Variants in PDZD8 observed in about 807,000 individuals in gnomAD.
PDZD8 encodes the protein PDZ domain containing 8, also known as PDZ domain-containing protein 8.
A neutral mutation model predicts 85.8 loss-of-function variants in PDZD8; 14 were observed. The observed-to-expected ratio is 0.16, with a 90% confidence interval of 0.11 to 0.26. PDZD8 has a LOEUF of 0.26. Among genes scored for constraint, PDZD8 ranks in the 10% least tolerant of loss-of-function variants. The pLI, the probability that PDZD8 is intolerant of heterozygous loss-of-function variation, is 1.00. For synonymous variants in PDZD8, 592 were observed against 568.6 expected (o/e 1.04, Z -0.59); for missense variants, 1,197 against 1,424.3 (o/e 0.84, Z 2.57).
In PDZD8 at chr10:117,289,747, G is replaced by A. The variant is rs72823600; in HGVS notation, c.1261+439C>T. On this transcript the variant is annotated intron_variant, in intron 4 of 4. Coordinates refer to ENST00000334464, the MANE Select transcript of PDZD8 (RefSeq NM_173791.5). ...AGATGTGCCCTCCTGGAAAAGGAAT[G>A]TTGGTTCTTCTGCTCATCATCTAGT... 4.2e-3 allele frequency among the ~76,000 whole-genome samples: 643 copies of A among 152,314 alleles called. 4 individuals carry two copies. Among genetic ancestry groups the A allele is most frequent in the Non-Finnish European group, 4.2e-3 (285 of 68,024 alleles).
chr10:117,323,257 A>G (rs1844258519), intron 2 of PDZD8, among the ~76,000 whole-genome samples: 1 of 152,218 alleles, frequency 6.6e-6, no homozygotes, highest in African/African-American at 2.4e-5. Flanking sequence ...AACAGGATTC[A>G]AAAATAGCTT....
rs189927741 is a variant in PDZD8 at position 117,336,711 on chromosome 10, T to G, written c.995+4269A>C. Among the ~76,000 whole-genome samples, 66 of 151,632 alleles carry G rather than the reference T, an allele frequency of 4.4e-4. 1 individual carries two copies. Among genetic ancestry groups the G allele is most frequent in the Non-Finnish European group, 2.8e-4 (19 of 67,924 alleles). On this transcript the variant is annotated intron_variant, in intron 2 of 4. Coordinates refer to ENST00000334464, the MANE Select transcript of PDZD8 (RefSeq NM_173791.5). The stretch of plus-strand genomic sequence containing the variant: ...CTTGAGGGGGTTCCTACTGGCCAAA[T>G]CTGAGACAATTTAGACACCAAAATA...
intron 1 of PDZD8, among the ~76,000 whole-genome samples, chr10:117,366,549 TCACTACCACCAC>T (rs575136862): frequency 5.3e-5 from 8 of 151,400 alleles, no homozygotes; most frequent in Non-Finnish European, 1.0e-4. Flanking sequence ...ATAAGGTCTG[TCACTACCACCAC>T]CACTACCACC....
Position 117,344,077 on chromosome 10 carries a change from G to A in PDZD8, c.873-2975C>T, listed in dbSNP as rs73391012. 7.2e-3 allele frequency among the ~76,000 whole-genome samples: 1,089 copies of A among 152,094 alleles called. 10 individuals are homozygous for A. Among genetic ancestry groups the A allele is most frequent in the African/African-American group, 0.025 (1,044 of 41,476 alleles). Reference sequence around the variant, plus strand: ...TCAGTTTTCTCACTCAGGCTTCCCCGCAAAATAGTCTTAACAAACTACCTG... The same window carrying A: ...TCAGTTTTCTCACTCAGGCTTCCCCACAAAATAGTCTTAACAAACTACCTG... On this transcript the variant is annotated intron_variant, in intron 1 of 4. Coordinates refer to ENST00000334464, the MANE Select transcript of PDZD8 (RefSeq NM_173791.5).
chr10:117,333,358 C>T (rs1844462901), intron 2 of PDZD8, among the ~76,000 whole-genome samples: 1 of 151,962 alleles, frequency 6.6e-6, no homozygotes. Flanking sequence ...ATAAGTACAA[C>T]TAATAATACA....
intron 1 of PDZD8, among the ~76,000 whole-genome samples, chr10:117,361,105 G>A (rs777300788): frequency 6.6e-6 from 1 of 152,062 alleles, no homozygotes; most frequent in South Asian, 2.1e-4. Context: ...AGAGAACAAG[G>A]GTGAGAAAGG....
In PDZD8 at chr10:117,285,235, C is replaced by A. The variant is rs1398002525; in HGVS notation, c.1498G>T (p.Asp500Tyr). Reference protein sequence around the residue: ...ESRELDSEFEDLASDVRAQNE... With the variant: ...ESRELDSEFEYLASDVRAQNE... Reference sequence around the variant, plus strand: ...TGTGCTCTGACATCACTTGCCAAGTCTTCAAATTCAGAATCCAGCTCTCTA... The same window carrying A: ...TGTGCTCTGACATCACTTGCCAAGTATTCAAATTCAGAATCCAGCTCTCTA... Residue 500 changes from aspartate to tyrosine, a missense_variant, in exon 5 of 5, where the codon GAC (aspartate) becomes TAC (tyrosine). By Grantham distance (160) the Asp-to-Tyr change is radical. Transcript: ENST00000334464. 6.2e-7 allele frequency: 1 copy of A among 1,614,100 alleles called. No individual in the cohort carries two copies. The highest frequency in any genetic ancestry group is 8.5e-7 in the Non-Finnish European group (1 of 1,180,052).
At chr10:117,357,326 T>C (rs1231077409) in intron 1 of PDZD8, among the ~76,000 whole-genome samples, 1 of 151,226 alleles carries the variant, frequency 6.6e-6, no homozygotes, top group Non-Finnish European at 1.5e-5. Flanking sequence ...ACTTGGGAGG[T>C]GGAGGTTGCA....
rs564227771 is a variant in PDZD8, at chr10:117,322,921, T to C, written c.996-3947A>G. Reference sequence around the variant, plus strand: ...TTATAGGACTCAAACTCGTGGCATATCCCTCTTAGGTTTTTATCTTGGCTC... The same window carrying C: ...TTATAGGACTCAAACTCGTGGCATACCCCTCTTAGGTTTTTATCTTGGCTC... On this transcript the variant is annotated intron_variant, in intron 2 of 4. Coordinates refer to ENST00000334464, the MANE Select transcript of PDZD8 (RefSeq NM_173791.5). Among the ~76,000 whole-genome samples, 10 of 152,278 alleles carry C rather than the reference T, an allele frequency of 6.6e-5. No individual in the cohort carries two copies. The East Asian group carries it at 1.7e-3, about 26-fold the overall frequency.
intron 3 of PDZD8, among the ~76,000 whole-genome samples, chr10:117,303,370 T>C (rs915095715): frequency 1.3e-5 from 2 of 152,164 alleles, no homozygotes; most frequent in African/African-American, 4.8e-5. Flanking sequence ...GCAGAAGAAA[T>C]TTCTAAGAAG....
chr10:117,330,613 C>T lies in PDZD8; in HGVS notation c.995+10367G>A, dbSNP rs1446615704. 1.1e-4 allele frequency among the ~76,000 whole-genome samples: 17 copies of T among 152,284 alleles called. 1 individual carries two copies. Among genetic ancestry groups the T allele is most frequent in the Non-Finnish European group, 5.9e-5 (4 of 68,022 alleles). Reference sequence around the variant, plus strand: ...ACTAAACCCTGTCCTAGTTATCCCACGTGTCCCTTCCTTCTTGTTCCTATT... The same window carrying T: ...ACTAAACCCTGTCCTAGTTATCCCATGTGTCCCTTCCTTCTTGTTCCTATT... On this transcript the variant is annotated intron_variant, in intron 2 of 4. Transcript: ENST00000334464.
intron 4 of PDZD8, among the ~76,000 whole-genome samples, chr10:117,288,119 T>A (rs1218000927): frequency 2.0e-5 from 3 of 152,190 alleles, no homozygotes; most frequent in Admixed American, 6.5e-5. Flanking sequence ...TTGGAATATT[T>A]CAAACACACT....
At chr10:117,345,216 T>A (rs1444453248) in intron 1 of PDZD8, among the ~76,000 whole-genome samples, 6 of 152,192 alleles carry the variant, frequency 3.9e-5, no homozygotes. Context: ...CTAAAGGCAC[T>A]ACCAAGAACA....
At chr10:117,295,675 C>T (rs894488988) in intron 3 of PDZD8, among the ~76,000 whole-genome samples, 5 of 152,152 alleles carry the variant, frequency 3.3e-5, no homozygotes, top group Middle Eastern at 3.4e-3. Context: ...CCCAGCAATA[C>T]ATTAAAAAAG....
intron 1 of PDZD8, among the ~76,000 whole-genome samples, chr10:117,362,041 A>G (rs955571028): frequency 6.6e-6 from 1 of 152,122 alleles, no homozygotes; most frequent in African/African-American, 2.4e-5. Flanking sequence ...CTGAGGGATG[A>G]TTATGTTTTA....
chr10:117,303,035 A>G (rs1843873777), intron 3 of PDZD8, among the ~76,000 whole-genome samples: 2 of 152,200 alleles, frequency 1.3e-5, no homozygotes, highest in South Asian at 4.1e-4. Flanking sequence ...GCGGTGCTGA[A>G]AAGATACCTG....
At chr10:117,332,722 G>A (rs1283382087) in intron 2 of PDZD8, among the ~76,000 whole-genome samples, 5 of 151,376 alleles carry the variant, frequency 3.3e-5, no homozygotes, top group Admixed American at 2.6e-4. Context: ...GATCAGGCTG[G>A]TCTTGAACTC....
chr10:117,278,965 G>A lies in PDZD8; in HGVS notation c.*4303C>T, dbSNP rs1844539650. ...CTTAAAAAAGAACGTGCTACAAATT[G>A]GTTCTCTTTGAGGGTTTCTGGTTCT... is the stretch of plus-strand genomic sequence containing the variant. On this transcript the variant is annotated 3_prime_UTR_variant, in exon 5 of 5. Coordinates refer to ENST00000334464, the MANE Select transcript of PDZD8 (RefSeq NM_173791.5). 6.6e-6 allele frequency: 1 copy of A among 152,072 alleles called. No individual in the cohort carries two copies. The highest frequency in any genetic ancestry group is 1.5e-5 in the Non-Finnish European group (1 of 68,018). 9.4% of individuals were successfully genotyped at this position (152,072 alleles called of 1,614,324 possible).
chr10:117,286,551 C>G (rs772540295), intron 4 of PDZD8, among the ~76,000 whole-genome samples: 1 of 152,218 alleles, frequency 6.6e-6, no homozygotes. Context: ...GCTTTAGACT[C>G]GGTCATCACT....
Sources: gnomAD v4.1 joint callset for allele counts (sites outside exome capture counted in the v4.1 genomes callset) on GRCh38, gnomAD v4.1.1 for gene constraint, MANE v1.5 for transcripts, NCBI Gene and HGNC (gene_info 2026-07-23, HGNC 2026-07-21) for gene names.